The following PCSK5 variants were observed in gnomAD, a reference collection of about 807,000 sequenced individuals.
The protein encoded by PCSK5 is prohormone convertase 5.
Under a neutral mutation model 233.2 loss-of-function variants are expected in PCSK5, and 129 were observed. The ratio of observed to expected loss-of-function variants is 0.55; its 90% CI spans 0.48 to 0.64. The LOEUF is 0.64. PCSK5 is among the 30% of genes least tolerant of loss of function. The probability of loss-of-function intolerance (pLI) is 0.00; values close to 1 mark genes in which losing one functional copy is unlikely to be tolerated. For synonymous variants in PCSK5, 825 were observed against 879.2 expected, an observed-to-expected ratio of 0.94 and a Z score of 1.09; for missense variants, 2,076 against 2,430.1, an observed-to-expected ratio of 0.85 and a Z score of 3.06.
chr9:75,955,417 A>G (rs1230549806), intron 2 of PCSK5, among the ~76,000 whole-genome samples: 1 of 152,190 alleles, frequency 6.6e-6, no homozygotes, highest in East Asian at 1.9e-4. Flanking sequence ...CTTTGTAGTC[A>G]TTTTTGAAAT....
At chr9:76,203,107 C>T (rs1824980759) in intron 20 of PCSK5, among the ~76,000 whole-genome samples, 1 of 152,166 alleles carries the variant, frequency 6.6e-6, no homozygotes, top group African/African-American at 2.4e-5. Flanking sequence ...GTTTCCCCTT[C>T]TTCAGCATCA....
chr9:76,184,626 G>A (rs760356291), intron 16 of PCSK5, 47 bp from the exon 17 acceptor site: 3 of 1,235,592 alleles, frequency 2.4e-6, no homozygotes, highest in African/African-American at 1.5e-5. Flanking sequence ...TGCTTTTATG[G>A]AATCCAATTG....
intron 24 of PCSK5, among the ~76,000 whole-genome samples, chr9:76,257,225 T>C (rs1827011449): frequency 6.6e-6 from 1 of 151,900 alleles, no homozygotes; most frequent in Non-Finnish European, 1.5e-5. Flanking sequence ...CCCCCAACTC[T>C]CCATCTCCCT....
chr9:76,299,394 C>T (rs1828537806), intron 27 of PCSK5, among the ~76,000 whole-genome samples: 1 of 152,156 alleles, frequency 6.6e-6, no homozygotes, highest in Admixed American at 6.5e-5. Context: ...CAAGGCCGGA[C>T]GTGGTAGCTC....
chr9:76,328,479 C>G (rs1014749439), intron 33 of PCSK5, among the ~76,000 whole-genome samples: 1 of 152,146 alleles, frequency 6.6e-6, no homozygotes, highest in East Asian at 1.9e-4. Context: ...ATCATTTGTT[C>G]GTGGGCTCTC....
intron 1 of PCSK5, among the ~76,000 whole-genome samples, chr9:75,918,800 G>T (rs1255978984): frequency 1.3e-5 from 2 of 152,166 alleles, no homozygotes; most frequent in Non-Finnish European, 2.9e-5. Context: ...TCCAAATGTT[G>T]ATGTGGTTGC....
chr9:76,259,842 C>T (rs537797800), intron 24 of PCSK5, among the ~76,000 whole-genome samples: 2 of 152,118 alleles, frequency 1.3e-5, no homozygotes, highest in South Asian at 2.1e-4. Flanking sequence ...TCAGGTGAGT[C>T]GTTTCAACCC....
intron 20 of PCSK5, 49 bp downstream of exon 20, chr9:76,189,795 CTACTTTCAGGACTAAT>C (rs139022349): frequency 0.17 from 166,878 of 988,116 alleles, 14,993 homozygotes; most frequent in Non-Finnish European, 0.2. Context: ...TATGATCTTT[CTACTTTCAGGACTAAT>C]ATTTTTCCAC....
rs528393182 is a variant in PCSK5 at position 76,023,987 on chromosome 9, A to G, written c.555+106A>G. The G allele has an allele frequency of 7.4e-6, 7 of 943,344 alleles. No homozygotes were observed. The South Asian group carries it at 8.0e-5, about 11-fold the overall frequency. The allele number at this position is 943,344 out of a possible 1,614,324, so 58.4% of individuals were successfully genotyped here. A position where few individuals can be genotyped will look rare whatever the true frequency, so the allele number is the denominator to read the frequency against. ...GCTACTGAAAAATGTAGCAACGTACAATAGGGTATTGTGTTTTGCTTCTCT... is the reference window on the plus strand; with the variant it reads ...GCTACTGAAAAATGTAGCAACGTACGATAGGGTATTGTGTTTTGCTTCTCT... On this transcript the variant is annotated intron_variant, in intron 4 of 37. Transcript: ENST00000674117.
intron 2 of PCSK5, among the ~76,000 whole-genome samples, chr9:75,970,498 T>A (rs906241743): frequency 6.6e-6 from 1 of 152,210 alleles, no homozygotes; most frequent in African/African-American, 2.4e-5. Context: ...ACTAAATGAG[T>A]CTCAACCATT....
At chr9:76,228,784 T>G (rs770033517) in intron 21 of PCSK5, among the ~76,000 whole-genome samples, 1 of 152,202 alleles carries the variant, frequency 6.6e-6, no homozygotes, top group African/African-American at 2.4e-5. Context: ...GCGCTTTGCA[T>G]CTCTGGGATG....
intron 3 of PCSK5, among the ~76,000 whole-genome samples, chr9:76,002,696 T>G (rs891379327): frequency 4.6e-5 from 7 of 152,150 alleles, no homozygotes; most frequent in Admixed American, 1.3e-4. Context: ...ATCAGAAAAT[T>G]CAATCCAAAC....
At chr9:75,972,362 G>C (rs1209683684) in intron 2 of PCSK5, among the ~76,000 whole-genome samples, 1 of 152,092 alleles carries the variant, frequency 6.6e-6, no homozygotes, top group East Asian at 1.9e-4. Context: ...GGCTATATGA[G>C]CTCTTTTATG....
At chr9:76,178,507 A>G (rs1823715527) in intron 14 of PCSK5, among the ~76,000 whole-genome samples, 1 of 152,180 alleles carries the variant, frequency 6.6e-6, no homozygotes. Context: ...AAATGAGGGT[A>G]TTTGACTACC....
intron 24 of PCSK5, among the ~76,000 whole-genome samples, chr9:76,266,852 A>G (rs1019077161): frequency 1.4e-4 from 21 of 152,316 alleles, no homozygotes; most frequent in African/African-American, 4.3e-4. Flanking sequence ...CATTAGAAAG[A>G]CTGGTAGATG....
chr9:76,157,218 T>A, intron 11 of PCSK5, 56 bp downstream of exon 11: 1 of 1,136,924 alleles, frequency 8.8e-7, no homozygotes, highest in Non-Finnish European at 1.3e-6. Flanking sequence ...AGCAAGCCAG[T>A]CAATTGCTCA....
chr9:76,271,684 T>C (rs367547547), intron 24 of PCSK5, among the ~76,000 whole-genome samples: 1 of 151,420 alleles, frequency 6.6e-6, no homozygotes, highest in South Asian at 2.1e-4. Context: ...AAAAAAAAAA[T>C]TAAAAATGGA....
rs1824268737 is a variant in PCSK5 at position 76,189,618 on chromosome 9, A to G, written c.2511-13A>G. On this transcript the variant is annotated splice_polypyrimidine_tract_variant and intron_variant, in intron 19 of 37. Transcript: ENST00000674117. ...GTGTGAATGGATTAAAAAATTGTAC[A>G]TTTTTCTCATAGATGTGATATCAGT... The G allele has an allele frequency of 6.4e-7, 1 of 1,558,692 alleles. No individual in the cohort carries two copies. The highest frequency in any genetic ancestry group is 8.8e-7 in the Non-Finnish European group (1 of 1,130,222).
At chr9:75,950,140 T>TG (rs35006093) in intron 2 of PCSK5, among the ~76,000 whole-genome samples, 63,365 of 95,160 alleles carry the variant, frequency 0.67, 19,506 homozygotes, top group African/African-American at 0.74. Flanking sequence ...CTTGTGTGTG[T>TG]GTGTGGGGGG....
Sources: gnomAD v4.1 joint callset for allele counts (sites outside exome capture counted in the v4.1 genomes callset) on GRCh38, gnomAD v4.1.1 for gene constraint, MANE v1.5 for transcripts, NCBI Gene and HGNC (gene_info 2026-07-23, HGNC 2026-07-21) for gene names.